Variants in HOXC4 observed in about 807,000 individuals in gnomAD.
The protein encoded by HOXC4 is homeobox C4.
HOXC4 carries 15 observed loss-of-function variants against 25.5 expected under a neutral mutation model. The observed-to-expected ratio is 0.59, with a 90% CI of 0.39 to 0.91. The LOEUF (loss-of-function observed/expected upper bound fraction) is 0.91. Ranked by LOEUF, HOXC4 falls within the 40% of genes least tolerant of loss-of-function variation. HOXC4 has a pLI of 0.00. For synonymous variants in HOXC4, 165 were observed against 148.0 expected, an observed-to-expected ratio of 1.11 and a Z score of -0.83; for missense variants, 342 against 352.4, an observed-to-expected ratio of 0.97 and a Z score of 0.24.
intron 1 of HOXC4, among the ~76,000 whole-genome samples, chr12:54,032,343 C>A (rs1941016991): frequency 6.6e-6 from 1 of 152,248 alleles, no homozygotes; most frequent in South Asian, 2.1e-4. Flanking sequence ...CTGTCTACCT[C>A]TTCAGAAGCT....
At chr12:54,049,857 A>C (rs1249001271), upstream of HOXC4, among the ~76,000 whole-genome samples, 1 of 152,010 alleles carries the variant, frequency 6.6e-6, no homozygotes, top group Non-Finnish European at 1.5e-5. Context: ...GCCCAAAGGA[A>C]AAAAAAATCA....
At chr12:54,017,541 T>G (rs1360060936) in intron 1 of HOXC4, 1 of 151,622 alleles carries the variant, frequency 6.6e-6, no homozygotes, top group Non-Finnish European at 1.5e-5. Flanking sequence ...GCGTAGTTAA[T>G]TATGGGGAGG....
At chr12:54,024,615 G>A (rs894785783) in intron 1 of HOXC4, among the ~76,000 whole-genome samples, 1 of 152,184 alleles carries the variant, frequency 6.6e-6, no homozygotes, top group Non-Finnish European at 1.5e-5. Context: ...GAAAGCAAAG[G>A]CCAGCAAGGT....
At chr12:54,041,715 C>T (rs1311869772) in intron 1 of HOXC4, among the ~76,000 whole-genome samples, 2 of 152,214 alleles carry the variant, frequency 1.3e-5, no homozygotes, top group South Asian at 2.1e-4. Flanking sequence ...TCACTCTTGT[C>T]GCCCCGGCTG....
intron 1 of HOXC4, among the ~76,000 whole-genome samples, chr12:54,040,164 AGT>A (rs1455092834): frequency 1.3e-5 from 2 of 152,148 alleles, no homozygotes; most frequent in African/African-American, 4.8e-5. Context: ...CCTAATTTGG[AGT>A]GTCTCTGGAG....
chr12:54,049,757 C>T (rs956133957), upstream of HOXC4, among the ~76,000 whole-genome samples: 37 of 111,672 alleles, frequency 3.3e-4, no homozygotes, highest in African/African-American at 1.3e-3. Context: ...TACACACACA[C>T]ACACACACAC....
At chr12:54,029,849 G>A in intron 1 of HOXC4, 1 of 1,614,052 alleles carries the variant, frequency 6.2e-7, no homozygotes, top group Non-Finnish European at 8.5e-7. Flanking sequence ...GTGGAAAAAA[G>A]AATCTAATCT....
intron 1 of HOXC4, chr12:54,020,297 C>G (rs1270957717): frequency 1.3e-5 from 2 of 152,406 alleles, no homozygotes; most frequent in East Asian, 3.9e-4. Context: ...TCCTTGGAGC[C>G]TCCCCCTCTG....
At chr12:54,026,072 G>A (rs1250071612) in intron 1 of HOXC4, among the ~76,000 whole-genome samples, 1 of 152,084 alleles carries the variant, frequency 6.6e-6, no homozygotes, top group Non-Finnish European at 1.5e-5. Context: ...ATATCTTGAA[G>A]GAAATATCAC....
chr12:54,033,606 C>G (rs1272445680), intron 1 of HOXC4: 2 of 1,502,794 alleles, frequency 1.3e-6, no homozygotes. Context: ...TTTGCGCTCT[C>G]GGGTCCGCCT....
chr12:54,041,692 T>C (rs1341283450), intron 1 of HOXC4, among the ~76,000 whole-genome samples: 2 of 152,234 alleles, frequency 1.3e-5, no homozygotes, highest in African/African-American at 4.8e-5. Context: ...TCTGCTTATT[T>C]TGAGACTAAG....
At chr12:54,048,601 A>G (rs904475166) in intron 1 of HOXC4, among the ~76,000 whole-genome samples, 2 of 152,106 alleles carry the variant, frequency 1.3e-5, no homozygotes, top group Non-Finnish European at 2.9e-5. Flanking sequence ...GACCCTGGAG[A>G]GGACCCAGGA....
chr12:54,054,913 T>C lies in HOXC4; in HGVS notation c.503T>C (p.Val168Ala), dbSNP rs1404521556. The change falls in exon 2 of 2, where the codon GTC becomes GCC. Residue 168 changes from valine (V) to alanine (A), a missense_variant. Transcript: ENST00000430889. ...RSRTAYTRQQ[V>A]LELEKEFHYN... ...AGGACAGCCTATACCCGGCAGCAAG[T>C]CCTGGAATTAGAGAAAGAGTTTCAT... 8 of 1,613,686 alleles carry C rather than the reference T, an allele frequency of 5.0e-6. No individual in the cohort carries two copies. The highest frequency in any genetic ancestry group is 5.1e-6 in the Non-Finnish European group (6 of 1,179,972).
intron 1 of HOXC4, among the ~76,000 whole-genome samples, chr12:54,043,360 G>T (rs899537508): frequency 3.9e-5 from 6 of 152,350 alleles, no homozygotes; most frequent in African/African-American, 1.4e-4. Flanking sequence ...CAGAGAGGCA[G>T]TTCAGGCTTG....
chr12:54,025,213 T>G (rs1940637232), intron 1 of HOXC4, among the ~76,000 whole-genome samples: 1 of 152,204 alleles, frequency 6.6e-6, no homozygotes, highest in African/African-American at 2.4e-5. Context: ...AACTGCAGTT[T>G]TAATAAAACA....
chr12:54,044,179 C>T (rs1937645454), intron 1 of HOXC4, among the ~76,000 whole-genome samples: 1 of 152,022 alleles, frequency 6.6e-6, no homozygotes, highest in Non-Finnish European at 1.5e-5. Context: ...TCACTCTCCC[C>T]CAAAGCTGGC....
intron 1 of HOXC4, among the ~76,000 whole-genome samples, chr12:54,026,855 C>G (rs557767956): frequency 1.3e-5 from 2 of 152,194 alleles, no homozygotes; most frequent in South Asian, 4.2e-4. Flanking sequence ...TTATTGCTAC[C>G]CATTGATTAC....
rs532766386 is a variant in HOXC4 at position 54,035,882 on chromosome 12, G to A, written c.-123-17278G>A. 2.6e-5 allele frequency among the ~76,000 whole-genome samples: 4 copies of A among 152,292 alleles called. No individual in the cohort carries two copies. In the South Asian group the frequency reaches 8.3e-4, roughly 32 times the overall value. ...TGGTAAGGGGGTGTTGGGAGAGTTGGAGGAGGTGTGCCTCAGTATCTAAGA... is the reference window on the plus strand; with the variant it reads ...TGGTAAGGGGGTGTTGGGAGAGTTGAAGGAGGTGTGCCTCAGTATCTAAGA... On this transcript the variant is annotated intron_variant, in intron 1 of 3. Transcript: ENST00000303406.
intron 1 of HOXC4, chr12:54,028,317 A>C (rs1940820516): frequency 7.5e-6 from 4 of 531,598 alleles, no homozygotes; most frequent in African/African-American, 1.9e-5. Flanking sequence ...ACTTAGTCTC[A>C]ACTAGGGAAT....
Sources: gnomAD v4.1 joint callset for allele counts (sites outside exome capture counted in the v4.1 genomes callset) on GRCh38, gnomAD v4.1.1 for gene constraint, MANE v1.5 for transcripts, NCBI Gene and HGNC (gene_info 2026-07-23, HGNC 2026-07-21) for gene names.